RBPJ: variants seen among roughly 807,000 people sequenced by gnomAD.
The protein encoded by RBPJ is recombining binding protein suppressor of hairless.
In RBPJ, 9 loss-of-function variants were observed where a neutral mutation model predicts 67.8. That is an observed-to-expected ratio of 0.13 (90% CI 0.08 to 0.23). The LOEUF (loss-of-function observed/expected upper bound fraction) is 0.23. Among genes scored for constraint, RBPJ ranks in the 10% least tolerant of loss-of-function variants. RBPJ has a pLI of 1.00. For missense variants in RBPJ, 305 were observed against 595.6 expected (o/e 0.51, Z 5.08); for synonymous variants, 198 against 203.3 (o/e 0.97, Z 0.22).
At chr4:26,125,747 C>A in the RBPJ span, among the ~76,000 whole-genome samples, 1 of 150,636 alleles carries the variant, frequency 6.6e-6, no homozygotes, top group Non-Finnish European at 1.5e-5. Context: ...TGCAGTGAGC[C>A]AAGATGGCAC....
intron 1 of RBPJ, among the ~76,000 whole-genome samples, chr4:26,339,426 G>A (rs1725256887): frequency 1.3e-5 from 2 of 152,114 alleles, no homozygotes; most frequent in African/African-American, 4.8e-5. Context: ...TTGCGGTCAG[G>A]AGTTCGAGAC....
chr4:26,287,569 GAA>G (rs1292449860), intron 1 of RBPJ, among the ~76,000 whole-genome samples: 1 of 43,554 alleles, frequency 2.3e-5, no homozygotes, highest in Admixed American at 2.8e-4. Context: ...GAAAGGAAAG[GAA>G]AGGAAAGGAC....
At chr4:26,141,377 G>A in the RBPJ span, among the ~76,000 whole-genome samples, 1 of 152,218 alleles carries the variant, frequency 6.6e-6, no homozygotes, top group Non-Finnish European at 1.5e-5. Context: ...ACTCCTGCGG[G>A]TGGGAAGAAG....
At chr4:26,262,074 T>C (rs1720556989) in intron 1 of RBPJ, among the ~76,000 whole-genome samples, 1 of 152,126 alleles carries the variant, frequency 6.6e-6, no homozygotes, top group South Asian at 2.1e-4. Context: ...GCCTCCTAAG[T>C]AGGTGGGGCT....
intron 1 of RBPJ, chr4:26,321,373 C>A: frequency 6.6e-6 from 1 of 152,050 alleles, no homozygotes; most frequent in South Asian, 1.8e-4. Flanking sequence ...CTGGGGGCCC[C>A]GTGCATCTTT....
chr4:26,319,260 G>C (rs1722785009), upstream of RBPJ, among the ~76,000 whole-genome samples: 1 of 152,108 alleles, frequency 6.6e-6, no homozygotes, highest in Non-Finnish European at 1.5e-5. Flanking sequence ...CCTAGAGCCT[G>C]ACCTCTCACT....
At chr4:26,204,407 A>G (rs1718096743) in intron 1 of RBPJ, among the ~76,000 whole-genome samples, 2 of 152,210 alleles carry the variant, frequency 1.3e-5, no homozygotes, top group Non-Finnish European at 2.9e-5. Context: ...AAAGGCTGTC[A>G]GAGTTCAGGA....
At chr4:26,153,531 C>T in the RBPJ span, among the ~76,000 whole-genome samples, 1 of 152,130 alleles carries the variant, frequency 6.6e-6, no homozygotes, top group Non-Finnish European at 1.5e-5. Context: ...GATGTGGGTC[C>T]TCCAAGGATG....
chr4:26,246,803 G>GA (rs369620251), intron 1 of RBPJ, among the ~76,000 whole-genome samples: 102 of 152,046 alleles, frequency 6.7e-4, no homozygotes, highest in African/African-American at 2.2e-3. Context: ...TAAATGGAGG[G>GA]AAAAAAATGG....
intron 1 of RBPJ, among the ~76,000 whole-genome samples, chr4:26,265,777 G>A (rs561631101): frequency 2.0e-5 from 3 of 152,182 alleles, no homozygotes; most frequent in South Asian, 2.1e-4. Flanking sequence ...GGTGGCTCAC[G>A]CTTATAATCC....
intron 1 of RBPJ, among the ~76,000 whole-genome samples, chr4:26,199,160 C>T (rs116054797): frequency 0.011 from 1,702 of 152,226 alleles, 13 homozygotes; most frequent in South Asian, 0.016. Flanking sequence ...GAATTCCTGC[C>T]CTTGGCCGGA....
the RBPJ span, among the ~76,000 whole-genome samples, chr4:26,129,997 G>T: frequency 6.6e-6 from 1 of 152,082 alleles, no homozygotes; most frequent in African/African-American, 2.4e-5. Context: ...TAGTAGCTGG[G>T]AGTACAGGCG....
chr4:26,344,183 AG>A (rs1332237351), intron 1 of RBPJ, among the ~76,000 whole-genome samples: 1 of 151,716 alleles, frequency 6.6e-6, no homozygotes, highest in Non-Finnish European at 1.5e-5. Context: ...ACACCTAGCT[AG>A]GAATATGGTT....
intron 1 of RBPJ, among the ~76,000 whole-genome samples, chr4:26,224,785 G>A (rs891205597): frequency 5.3e-5 from 8 of 152,174 alleles, no homozygotes; most frequent in African/African-American, 1.7e-4. Flanking sequence ...CGAAAACAAC[G>A]CTCAGTAAAT....
intron 1 of RBPJ, among the ~76,000 whole-genome samples, chr4:26,211,559 G>A (rs376621447): frequency 1.3e-4 from 20 of 152,100 alleles, no homozygotes; most frequent in East Asian, 3.9e-4. Flanking sequence ...AAAGTTGCAC[G>A]ACCATCATCA....
At chr4:26,356,730 T>C (rs1727420874) in intron 1 of RBPJ, among the ~76,000 whole-genome samples, 1 of 152,242 alleles carries the variant, frequency 6.6e-6, no homozygotes, top group South Asian at 2.1e-4. Context: ...CCCAACTAGA[T>C]GTTTTTCTCT....
the RBPJ span, among the ~76,000 whole-genome samples, chr4:26,128,755 A>G: frequency 4.6e-5 from 7 of 152,148 alleles, no homozygotes; most frequent in Non-Finnish European, 7.3e-5. Context: ...CAATTCCTAC[A>G]TGTTGTGAAA....
At chr4:26,188,050 T>C (rs901942028) in intron 1 of RBPJ, among the ~76,000 whole-genome samples, 3 of 150,138 alleles carry the variant, frequency 2.0e-5, no homozygotes, top group Non-Finnish European at 3.0e-5. Flanking sequence ...AAAATAAAAA[T>C]ACAAAAAAAT....
At chr4:26,240,297 C>G (rs887447879) in intron 1 of RBPJ, among the ~76,000 whole-genome samples, 10 of 152,148 alleles carry the variant, frequency 6.6e-5, no homozygotes, top group African/African-American at 2.4e-4. Flanking sequence ...TCTTTCTTAC[C>G]TTGACTTTTA....
Sources: allele counts gnomAD v4.1 joint callset (sites outside exome capture counted in the v4.1 genomes callset), GRCh38; gene constraint gnomAD v4.1.1; transcripts MANE v1.5; gene names NCBI Gene and HGNC (gene_info 2026-07-23, HGNC 2026-07-21).